SSH2: variants seen among roughly 807,000 people sequenced by gnomAD.
SSH2 encodes the protein slingshot protein phosphatase 2, also known as protein phosphatase Slingshot homolog 2.
A neutral mutation model predicts 135.2 loss-of-function variants in SSH2; 37 were observed. That is an observed-to-expected ratio of 0.27 (90% CI 0.21 to 0.36). SSH2 has a LOEUF of 0.36. SSH2 is among the 10% of genes least tolerant of loss of function. SSH2 has a pLI of 1.00. For missense variants in SSH2, 1,408 were observed against 1,765.3 expected, an observed-to-expected ratio of 0.80 and a Z score of 3.63; for synonymous variants, 628 against 646.2, an observed-to-expected ratio of 0.97 and a Z score of 0.43.
intron 1 of SSH2, among the ~76,000 whole-genome samples, chr17:29,879,382 T>C (rs2066095620): frequency 6.6e-6 from 1 of 151,876 alleles, no homozygotes; most frequent in South Asian, 2.1e-4. Flanking sequence ...TGTTTTTTTT[T>C]TTTTTTTTAA....
At chr17:29,703,725 C>G (rs141237689) in intron 3 of SSH2, among the ~76,000 whole-genome samples, 1 of 151,978 alleles carries the variant, frequency 6.6e-6, no homozygotes, top group African/African-American at 2.4e-5. Context: ...ATTACAGGAG[C>G]GAGCCACCAC....
rs1184857350 is a variant in SSH2 at position 29,626,771 on chromosome 17, G to A, written c.*4070C>T. On this transcript the variant is annotated 3_prime_UTR_variant, in exon 16 of 16. Coordinates refer to ENST00000540801, the MANE Select transcript of SSH2 (RefSeq NM_001282129.2). ...CCTTTTCCTAATATGGGTGTCAGAG[G>A]AGTTGAGGCAGCAAATATGCTTGTG... The A allele has an allele frequency of 2.6e-5, 4 of 152,650 alleles. No individual in the cohort carries two copies. The highest frequency in any genetic ancestry group is 9.7e-5 in the African/African-American group (4 of 41,448). The allele number at this position is 152,650 out of a possible 1,614,324, so 9.5% of individuals were successfully genotyped here.
chr17:29,747,267 T>C (rs1232331109), intron 3 of SSH2, among the ~76,000 whole-genome samples: 1 of 152,224 alleles, frequency 6.6e-6, no homozygotes, highest in Non-Finnish European at 1.5e-5. Flanking sequence ...ACCTAAATTG[T>C]TACAACTTTT....
chr17:29,683,553 G>C (rs1184282497), intron 6 of SSH2, among the ~76,000 whole-genome samples: 3 of 152,080 alleles, frequency 2.0e-5, no homozygotes, highest in Non-Finnish European at 4.4e-5. Context: ...GTTTAAGTGG[G>C]ATCTCTTTGT....
chr17:29,693,576 T>C (rs1428717058), intron 5 of SSH2, among the ~76,000 whole-genome samples: 1 of 152,122 alleles, frequency 6.6e-6, no homozygotes, highest in Non-Finnish European at 1.5e-5. Flanking sequence ...CCTCCCAAAG[T>C]GTTGGGATTA....
At chr17:29,717,114 C>T (rs554188459) in intron 3 of SSH2, among the ~76,000 whole-genome samples, 3 of 152,106 alleles carry the variant, frequency 2.0e-5, no homozygotes, top group South Asian at 2.1e-4. Context: ...GTTTGACCTT[C>T]AAAGTGCTTT....
chr17:29,827,098 G>C (rs1268949212), intron 2 of SSH2, among the ~76,000 whole-genome samples: 1 of 152,090 alleles, frequency 6.6e-6, no homozygotes, highest in Non-Finnish European at 1.5e-5. Context: ...GTTAAGCCAG[G>C]TCAATTGTAA....
chr17:29,695,672 C>A, intron 4 of SSH2, 149 bp from the exon 5 acceptor site: 1 of 654,356 alleles, frequency 1.5e-6, no homozygotes, highest in Non-Finnish European at 2.6e-6. Context: ...TTATTAACTT[C>A]TTTTAAAATG....
chr17:29,826,970 G>C (rs2042757126), intron 2 of SSH2, among the ~76,000 whole-genome samples: 1 of 152,122 alleles, frequency 6.6e-6, no homozygotes, highest in African/African-American at 2.4e-5. Flanking sequence ...CCTACCAAGA[G>C]AGCTCGACTT....
At position 29,631,447 on chromosome 17, in the gene SSH2, C is replaced by A. The variant is rs751153089; in HGVS notation, c.3747G>T (p.Lys1249Asn). 1.2e-6 allele frequency: 2 copies of A among 1,614,154 alleles called. No individual in the cohort carries two copies. The highest frequency in any genetic ancestry group is 8.5e-7 in the Non-Finnish European group (1 of 1,180,014). The change falls in exon 16 of 16, where the codon AAG becomes AAT. Residue 1249 changes from lysine (K) to asparagine (N), a missense_variant. Lys to Asn is a moderately conservative substitution (Grantham distance 94). This residue lies in a region of SSH2 where 1,080 missense variants were observed against 1,144.5 expected (regional missense o/e 0.94). Coordinates refer to ENST00000540801, the MANE Select transcript of SSH2 (RefSeq NM_001282129.2). ...LPHSSSSENI[K>N]SLSHSPGVVK... ...CCACACCGGGGCTGTGGCTGAGACTCTTTATGTTTTCACTACTAGAGCTAT... is the reference window on the plus strand; with the variant it reads ...CCACACCGGGGCTGTGGCTGAGACTATTTATGTTTTCACTACTAGAGCTAT...
At chr17:29,825,126 A>G (rs1386671255) in intron 2 of SSH2, among the ~76,000 whole-genome samples, 1 of 152,164 alleles carries the variant, frequency 6.6e-6, no homozygotes, top group African/African-American at 2.4e-5. Flanking sequence ...ACAAATCTTT[A>G]TTTTCCTACG....
intron 2 of SSH2, among the ~76,000 whole-genome samples, chr17:29,834,372 G>C (rs117244528): frequency 0.043 from 6,568 of 152,036 alleles, 186 homozygotes; most frequent in Middle Eastern, 0.075. Context: ...ATTTACCCTG[G>C]TGTGATTATT....
intron 1 of SSH2, among the ~76,000 whole-genome samples, chr17:29,859,781 T>C (rs1207945527): frequency 5.3e-5 from 8 of 152,232 alleles, no homozygotes; most frequent in African/African-American, 9.7e-5. Flanking sequence ...TATGATGGAA[T>C]GATTTATATT....
intron 3 of SSH2, among the ~76,000 whole-genome samples, chr17:29,739,532 C>T (rs2040486752): frequency 6.6e-6 from 1 of 152,130 alleles, no homozygotes; most frequent in Non-Finnish European, 1.5e-5. Context: ...AAAAAGAAAA[C>T]TTTGAATCAG....
At chr17:29,783,815 C>T (rs188414655) in intron 3 of SSH2, among the ~76,000 whole-genome samples, 7 of 151,812 alleles carry the variant, frequency 4.6e-5, no homozygotes, top group Admixed American at 3.9e-4. Context: ...GCCTGTAATC[C>T]CAGCACTTTG....
intron 1 of SSH2, among the ~76,000 whole-genome samples, chr17:29,870,407 T>C (rs968238661): frequency 2.0e-5 from 3 of 152,074 alleles, no homozygotes; most frequent in African/African-American, 7.2e-5. Flanking sequence ...ATTAATATTG[T>C]TTGTGAAGAG....
intron 2 of SSH2, among the ~76,000 whole-genome samples, chr17:29,823,725 A>C (rs1204566112): frequency 2.0e-5 from 3 of 152,036 alleles, no homozygotes; most frequent in African/African-American, 7.2e-5. Context: ...CTAAAAATAC[A>C]AAAATTAGCT....
chr17:29,754,427 T>C (rs2041049800), intron 3 of SSH2, among the ~76,000 whole-genome samples: 1 of 152,212 alleles, frequency 6.6e-6, no homozygotes, highest in Admixed American at 6.5e-5. Context: ...AAAAGGTACA[T>C]TTTGGATGAA....
At chr17:29,872,189 T>A (rs2151422041) in intron 1 of SSH2, among the ~76,000 whole-genome samples, 1 of 152,356 alleles carries the variant, frequency 6.6e-6, no homozygotes, top group Admixed American at 6.5e-5. Context: ...CCAGCTCTAA[T>A]TCTTGAAAAT....
Sources: allele counts gnomAD v4.1 joint callset (sites outside exome capture counted in the v4.1 genomes callset), GRCh38; gene constraint gnomAD v4.1.1; regional missense constraint gnomAD v4.1.1; transcripts MANE v1.5; gene names NCBI Gene and HGNC (gene_info 2026-07-23, HGNC 2026-07-21).